PKDCC: variants seen among roughly 807,000 people sequenced by gnomAD.
PKDCC encodes the protein extracellular tyrosine-protein kinase PKDCC.
PKDCC carries 35 observed loss-of-function variants against 44.7 expected under a neutral mutation model. The observed-to-expected ratio is 0.78, with a 90% CI of 0.60 to 1.04. PKDCC has a LOEUF of 1.04. Ranked by LOEUF, PKDCC falls within the 50% of genes least tolerant of loss-of-function variation. The probability of loss-of-function intolerance (pLI) is 0.00; values close to 1 mark genes in which losing one functional copy is unlikely to be tolerated. For missense variants in PKDCC, 738 were observed against 672.7 expected (o/e 1.10, Z -1.07); for synonymous variants, 353 against 303.3 (o/e 1.16, Z -1.70).
chr2:42,049,756 C>G (rs1229863514), intron 1 of PKDCC, among the ~76,000 whole-genome samples: 1 of 152,184 alleles, frequency 6.6e-6, no homozygotes, highest in Non-Finnish European at 1.5e-5. Context: ...CCCTAACACT[C>G]CACGTCCTCT....
chr2:42,049,112 G>A (rs1558430722), intron 1 of PKDCC, among the ~76,000 whole-genome samples: 1 of 152,104 alleles, frequency 6.6e-6, no homozygotes, highest in Non-Finnish European at 1.5e-5. Flanking sequence ...CAGGGGGTGG[G>A]GCAGTCCATT....
rs573577757 is a variant in PKDCC at position 42,055,697 on chromosome 2, A to T, written c.1222+304A>T. Reference sequence around the variant, plus strand: ...TGACTTTGAGCAAGTTACCCCTTGAACCTCACTTTCCTCATCTGTGAATTG... The same window carrying T: ...TGACTTTGAGCAAGTTACCCCTTGATCCTCACTTTCCTCATCTGTGAATTG... On this transcript the variant is annotated intron_variant, in intron 5 of 6. Transcript: ENST00000294964. The surrounding 1 kb of genome is among the most constrained non-coding windows in gnomAD (Gnocchi z 4.5). 35 of 296,308 alleles carry T rather than the reference A, an allele frequency of 1.2e-4. No homozygotes were observed. The South Asian group carries it at 1.9e-3, about 16-fold the overall frequency. The allele number at this position is 296,308 out of a possible 1,614,324, so 18.4% of individuals were successfully genotyped here. A position where few individuals can be genotyped will look rare whatever the true frequency, so the allele number is the denominator to read the frequency against.
Position 42,054,890 on chromosome 2 carries a change from A to G in PKDCC, c.1035-51A>G. 3 of 1,517,536 alleles carry G rather than the reference A, an allele frequency of 2.0e-6. No homozygotes were observed. Among genetic ancestry groups the G allele is most frequent in the Non-Finnish European group, 2.7e-6 (3 of 1,092,068 alleles). 94.0% of individuals were successfully genotyped at this position (1,517,536 alleles called of 1,614,324 possible). The stretch of plus-strand genomic sequence containing the variant: ...TGCCCCAGGTTGGAATAGAGGAAGG[A>G]TGTGTCTCCAAAGGCTGGATTCCTG... On this transcript the variant is annotated intron_variant, in intron 3 of 6. Coordinates refer to ENST00000294964, the MANE Select transcript of PKDCC (RefSeq NM_138370.3). This position sits in a 1 kb window ranked among gnomAD's most constrained non-coding sequence, Gnocchi z 6.1.
intron 2 of PKDCC, 137 bp from the exon 3 acceptor site, chr2:42,053,898 TG>T: frequency 9.3e-7 from 1 of 1,072,662 alleles, no homozygotes; most frequent in Non-Finnish European, 1.3e-6. Flanking sequence ...TTGGCCTTTG[TG>T]GAGCCCTGGG....
In PKDCC at chr2:42,055,184, G is replaced by T. The variant is rs961797214; in HGVS notation, c.1115-102G>T. 3.3e-5 allele frequency: 43 copies of T among 1,309,216 alleles called. No individual in the cohort carries two copies. Among genetic ancestry groups the T allele is most frequent in the Non-Finnish European group, 4.1e-5 (38 of 930,664 alleles). The allele number at this position is 1,309,216 out of a possible 1,614,324, so 81.1% of individuals were successfully genotyped here. On this transcript the variant is annotated intron_variant, in intron 4 of 6. Coordinates refer to ENST00000294964, the MANE Select transcript of PKDCC (RefSeq NM_138370.3). The surrounding 1 kb of genome is among the most constrained non-coding windows in gnomAD (Gnocchi z 4.5). ...CCCGCTCCCCCGCCCTCTGTTCACT[G>T]GGGCACAGGCTCTGGAGGCAGAGGT...
Position 42,054,392 on chromosome 2 carries a change from A to G in PKDCC, c.1034+85A>G, listed in dbSNP as rs1308193693. The G allele has an allele frequency of 1.4e-6, 2 of 1,471,480 alleles. No homozygotes were observed. Among genetic ancestry groups the G allele is most frequent in the Non-Finnish European group, 1.8e-6 (2 of 1,092,700 alleles). The allele number at this position is 1,471,480 out of a possible 1,614,324, so 91.2% of individuals were successfully genotyped here. On this transcript the variant is annotated intron_variant, in intron 3 of 6. Coordinates refer to ENST00000294964, the MANE Select transcript of PKDCC (RefSeq NM_138370.3). This position sits in a 1 kb window ranked among gnomAD's most constrained non-coding sequence, Gnocchi z 6.1. ...CAGGAAGAGAGCCAACGTGGAGGCCAGCTGGGCAGGGAGACTCAGCCTTGA... is the reference window on the plus strand; with the variant it reads ...CAGGAAGAGAGCCAACGTGGAGGCCGGCTGGGCAGGGAGACTCAGCCTTGA...
chr2:42,056,667 G>C (rs1258930776), intron 5 of PKDCC, among the ~76,000 whole-genome samples: 1 of 151,978 alleles, frequency 6.6e-6, no homozygotes, highest in Non-Finnish European at 1.5e-5. Context: ...GGGAGGCTGA[G>C]ATGGGAGGAT....
chr2:42,049,312 G>A (rs12470582), intron 1 of PKDCC, among the ~76,000 whole-genome samples: 17,640 of 152,156 alleles, frequency 0.12, 1,356 homozygotes, highest in East Asian at 0.28. Flanking sequence ...CGGGACAGCA[G>A]TGGGGCTGGG....
intron 1 of PKDCC, among the ~76,000 whole-genome samples, chr2:42,049,548 C>T (rs777204719): frequency 6.6e-6 from 1 of 152,166 alleles, no homozygotes; most frequent in Non-Finnish European, 1.5e-5. Context: ...GACTGGCGGC[C>T]TGAGGATCTA....
rs746271281 is a variant in PKDCC at position 42,054,195 on chromosome 2, G to C, written c.922G>C (p.Gly308Arg). 2 of 1,607,808 alleles carry C rather than the reference G, an allele frequency of 1.2e-6. No individual in the cohort carries two copies. Among genetic ancestry groups the C allele is most frequent in the East Asian group, 4.5e-5 (2 of 44,636 alleles). ...ACGTGTGGAGGAGACGCCGTGTGCA[G>C]GCAGCACCGACTGCATACTCGAGTT... The part of the protein sequence containing the change: ...DARVEETPCA[G>R]STDCILEFPA... The change falls in exon 3 of 7, where the codon GGC (glycine) becomes CGC (arginine). Residue 308 changes from glycine (G) to arginine (R), a missense_variant. Transcript: ENST00000294964. This position sits in a 1 kb window ranked among gnomAD's most constrained non-coding sequence, Gnocchi z 6.1.
chr2:42,048,444 C>T lies in PKDCC; in HGVS notation c.245C>T (p.Pro82Leu), dbSNP rs1429566353. ...GGCCCCGGGCCCGGGGCGGGCCGGC[C>T]GGAGCGGCGGCGCCTGATGGACCTG... ...RGGPGPGAGRPERRRLMDLAP... is the reference protein window; with the variant it reads ...RGGPGPGAGRLERRRLMDLAP... Residue 82 changes from proline (P) to leucine (L), a missense_variant, in exon 1 of 7, where the codon CCG (proline) becomes CTG (leucine). Coordinates refer to ENST00000294964, the MANE Select transcript of PKDCC (RefSeq NM_138370.3). This position sits in a 1 kb window ranked among gnomAD's most constrained non-coding sequence, Gnocchi z 6.2. 2 of 1,102,872 alleles carry T rather than the reference C, an allele frequency of 1.8e-6. No individual in the cohort carries two copies. The highest frequency in any genetic ancestry group is 1.7e-5 in the African/African-American group (1 of 58,806). The allele number at this position is 1,102,872 out of a possible 1,614,324, so 68.3% of individuals were successfully genotyped here.
chr2:42,050,918 C>T (rs1572760114), intron 1 of PKDCC, among the ~76,000 whole-genome samples: 1 of 152,156 alleles, frequency 6.6e-6, no homozygotes, highest in Non-Finnish European at 1.5e-5. Context: ...ACAGTGGGGT[C>T]TTCCTGCCCA....
rs554109817 is a variant in PKDCC at position 42,055,860 on chromosome 2, C to T, written c.1222+467C>T. Among the ~76,000 whole-genome samples the T allele has an allele frequency of 3.2e-4, 48 of 152,268 alleles. No homozygotes were observed. The highest frequency in any genetic ancestry group is 3.4e-3 in the Middle Eastern group (1 of 294). The stretch of plus-strand genomic sequence containing the variant: ...CTTCCCTTTCCTTCCTCTAACCTCC[C>T]GGGGCTAGAAGGGCACTGCATGTTA... On this transcript the variant is annotated intron_variant, in intron 5 of 6. Coordinates refer to ENST00000294964, the MANE Select transcript of PKDCC (RefSeq NM_138370.3). This position sits in a 1 kb window ranked among gnomAD's most constrained non-coding sequence, Gnocchi z 4.5.
intron 1 of PKDCC, among the ~76,000 whole-genome samples, chr2:42,050,102 C>T (rs1289945313): frequency 1.3e-5 from 2 of 152,204 alleles, no homozygotes; most frequent in East Asian, 3.9e-4. Flanking sequence ...CAGTCTCCCC[C>T]TCCCCCATCG....
Position 42,048,578 on chromosome 2 carries a change from G to A in PKDCC, c.379G>A (p.Gly127Ser), listed in dbSNP as rs1195396156. ...TCCCGGCCCAGGCTCCCCCGGCCCGGGCCCGCGCCTGGGCTGCGCCGCGCT... is the reference window on the plus strand; with the variant it reads ...TCCCGGCCCAGGCTCCCCCGGCCCGAGCCCGCGCCTGGGCTGCGCCGCGCT... Reference protein sequence around the residue: ...PAPGPGSPGPGPRLGCAALRN... With the variant: ...PAPGPGSPGPSPRLGCAALRN... Residue 127 changes from glycine (G) to serine (S), a missense_variant, in exon 1 of 7, where the codon GGC becomes AGC. Coordinates refer to ENST00000294964, the MANE Select transcript of PKDCC (RefSeq NM_138370.3). This position sits in a 1 kb window ranked among gnomAD's most constrained non-coding sequence, Gnocchi z 6.2. The A allele has an allele frequency of 1.4e-6, 2 of 1,392,440 alleles. No homozygotes were observed. The highest frequency in any genetic ancestry group is 6.1e-5 in the East Asian group (2 of 33,018). 86.3% of individuals were successfully genotyped at this position (1,392,440 alleles called of 1,614,324 possible).
At position 42,052,346 on chromosome 2, in the gene PKDCC, G is replaced by A. The variant is rs1375897547; in HGVS notation, c.640-893G>A. ...CAAGACCCACGCAGAGAAAATTGAA[G>A]CTGCCAGAAGGTAGAAATGATGAGG... On this transcript the variant is annotated intron_variant, in intron 1 of 6. Transcript: ENST00000294964. This position sits in a 1 kb window ranked among gnomAD's most constrained non-coding sequence, Gnocchi z 4.3. Among the ~76,000 whole-genome samples the A allele has an allele frequency of 6.6e-6, 1 of 152,188 alleles. No individual in the cohort carries two copies. Among genetic ancestry groups the A allele is most frequent in the African/African-American group, 2.4e-5 (1 of 41,452 alleles).
rs1228887722 is a variant in PKDCC, at chr2:42,048,427, G to A, written c.228G>A (p.Gly76=). ...EVQRYSRGGP[G]PGAGRPERRR... is the part of the protein sequence containing the mutation. ...AGCGCTATTCCCGCGGGGGCCCCGG[G>A]CCCGGGGCGGGCCGGCCGGAGCGGC... Residue 76 remains glycine, a synonymous_variant, in exon 1 of 7, where the codon GGG becomes GGA. Transcript: ENST00000294964. This position sits in a 1 kb window ranked among gnomAD's most constrained non-coding sequence, Gnocchi z 6.2. 6 of 1,127,320 alleles carry A rather than the reference G, an allele frequency of 5.3e-6. No individual in the cohort carries two copies. In the African/African-American group the frequency reaches 1.0e-4, roughly 19 times the overall value. 69.8% of individuals were successfully genotyped at this position (1,127,320 alleles called of 1,614,324 possible).
intron 2 of PKDCC, chr2:42,053,562 CCCT>C: frequency 3.0e-6 from 2 of 658,916 alleles, no homozygotes; most frequent in Admixed American, 6.6e-5. Context: ...TGTGCTCTTG[CCCT>C]CCTCACCCCT....
chr2:42,056,836 A>G, intron 5 of PKDCC, among the ~76,000 whole-genome samples: 1 of 152,186 alleles, frequency 6.6e-6, no homozygotes. Context: ...TCACATGCAC[A>G]TTGAAGTTTG....
Sources: gnomAD v4.1 joint callset for allele counts (sites outside exome capture counted in the v4.1 genomes callset) on GRCh38, gnomAD v4.1.1 for gene constraint, Gnocchi (gnomAD v3.1) non-coding constraint, MANE v1.5 for transcripts, NCBI Gene and HGNC (gene_info 2026-07-23, HGNC 2026-07-21) for gene names.